Variants in BMPER observed in about 807,000 individuals in gnomAD.
The protein encoded by BMPER is BMP binding endothelial regulator.
BMPER carries 45 observed loss-of-function variants against 87.3 expected under a neutral mutation model. The ratio of observed to expected loss-of-function variants is 0.52; its 90% CI spans 0.41 to 0.66. The LOEUF (loss-of-function observed/expected upper bound fraction) is 0.66, where lower values mean the gene tolerates loss of function less well. Ranked by LOEUF, BMPER falls within the 30% of genes least tolerant of loss-of-function variation. BMPER has a pLI of 0.00. For synonymous variants in BMPER, 326 were observed against 316.2 expected (o/e 1.03, Z -0.33); for missense variants, 784 against 867.5 (o/e 0.90, Z 1.21).
At chr7:34,049,164 G>A (rs1788074129) in intron 7 of BMPER, among the ~76,000 whole-genome samples, 1 of 152,064 alleles carries the variant, frequency 6.6e-6, no homozygotes, top group African/African-American at 2.4e-5. Context: ...TCTCAGCACA[G>A]GTCAGTGTAC....
chr7:34,076,423 G>C (rs1788866938), intron 11 of BMPER, among the ~76,000 whole-genome samples: 2 of 152,086 alleles, frequency 1.3e-5, no homozygotes, highest in Non-Finnish European at 2.9e-5. Flanking sequence ...TGTATGTTTT[G>C]GCGGGGGTTG....
rs546488840 is a variant in BMPER at position 33,911,451 on chromosome 7, G to A, written c.219+4548G>A. ...AAAACTTCTACAGATACCTTCAAGA[G>A]CTTCAGAGAGTCCTTTCAACCTGCA... On this transcript the variant is annotated intron_variant, in intron 2 of 14. Transcript: ENST00000649409. Among the ~76,000 whole-genome samples the A allele has an allele frequency of 1.6e-4, 25 of 152,320 alleles. No homozygotes were observed. In the South Asian group the frequency reaches 4.3e-3, roughly 27 times the overall value.
intron 6 of BMPER, among the ~76,000 whole-genome samples, chr7:34,004,381 T>C (rs1786669316): frequency 2.0e-5 from 3 of 152,152 alleles, no homozygotes; most frequent in African/African-American, 7.2e-5. Flanking sequence ...AAGTCCAACC[T>C]CAGGGCTTTC....
intron 13 of BMPER, among the ~76,000 whole-genome samples, chr7:34,095,231 G>A (rs558810381): frequency 3.5e-4 from 54 of 152,294 alleles, no homozygotes; most frequent in Non-Finnish European, 7.1e-4. Context: ...GGCTGAGAAG[G>A]AGCTCAGGTG....
At chr7:34,055,122 G>A (rs1193290203) in intron 8 of BMPER, 41 bp from the exon 9 acceptor site, 10 of 1,613,684 alleles carry the variant, frequency 6.2e-6, no homozygotes, top group South Asian at 2.2e-5. Context: ...TGGTAGAGGC[G>A]AAAATCATTT....
chr7:33,981,854 G>A (rs1264463147), intron 6 of BMPER, among the ~76,000 whole-genome samples: 1 of 152,210 alleles, frequency 6.6e-6, no homozygotes, highest in African/African-American at 2.4e-5. Context: ...GGTATGGAAT[G>A]TGAATGACTT....
At chr7:33,938,800 C>T (rs191385889) in intron 3 of BMPER, among the ~76,000 whole-genome samples, 23 of 152,118 alleles carry the variant, frequency 1.5e-4, no homozygotes, top group Admixed American at 7.9e-4. Flanking sequence ...CCAAAGTGGG[C>T]GGATTACTTT....
intron 6 of BMPER, among the ~76,000 whole-genome samples, chr7:34,033,626 T>C (rs749409663): frequency 2.0e-5 from 3 of 152,228 alleles, no homozygotes; most frequent in Non-Finnish European, 2.9e-5. Flanking sequence ...ATTCTGGACA[T>C]TTGCCCCAAG....
intron 2 of BMPER, among the ~76,000 whole-genome samples, chr7:33,933,829 A>G (rs1784537287): frequency 6.6e-6 from 1 of 152,172 alleles, no homozygotes; most frequent in African/African-American, 2.4e-5. Context: ...AGGCATTTAA[A>G]TGACAGGCCT....
intron 6 of BMPER, among the ~76,000 whole-genome samples, chr7:34,022,562 G>A (rs990457921): frequency 2.0e-5 from 3 of 151,838 alleles, no homozygotes; most frequent in African/African-American, 7.3e-5. Context: ...AGGCCCTACA[G>A]GACACATAAT....
chr7:33,968,733 C>T (rs1158078055), intron 4 of BMPER, among the ~76,000 whole-genome samples: 3 of 152,192 alleles, frequency 2.0e-5, no homozygotes, highest in Non-Finnish European at 4.4e-5. Flanking sequence ...ATGATCTGGC[C>T]TAGTTCCATT....
intron 14 of BMPER, among the ~76,000 whole-genome samples, chr7:34,147,111 C>T (rs990864106): frequency 1.2e-4 from 18 of 152,278 alleles, no homozygotes; most frequent in African/African-American, 3.8e-4. Flanking sequence ...TGTAGCATAA[C>T]GGATGGTTTG....
intron 6 of BMPER, among the ~76,000 whole-genome samples, chr7:34,002,860 C>A (rs1786619264): frequency 1.3e-5 from 2 of 151,358 alleles, no homozygotes; most frequent in African/African-American, 4.8e-5. Flanking sequence ...CATAGTATAT[C>A]TTTCTTCTAT....
At chr7:33,990,356 T>A (rs1405873231) in intron 6 of BMPER, among the ~76,000 whole-genome samples, 1 of 139,440 alleles carries the variant, frequency 7.2e-6, no homozygotes. Context: ...GATTCCTAGG[T>A]ATTTTATTCT....
intron 1 of BMPER, 60 bp from the exon 2 acceptor site, chr7:33,906,757 AT>A: frequency 6.8e-7 from 1 of 1,464,954 alleles, no homozygotes; most frequent in Non-Finnish European, 9.6e-7. Flanking sequence ...AAAATTTTAA[AT>A]GTTGAAATCA....
chr7:34,070,766 G>A (rs1205534501), intron 11 of BMPER, among the ~76,000 whole-genome samples: 2 of 150,036 alleles, frequency 1.3e-5, no homozygotes, highest in Admixed American at 6.6e-5. Flanking sequence ...CGTGCATGGT[G>A]AAAGAGGTTG....
chr7:34,010,716 A>G (rs1232613542), intron 6 of BMPER, among the ~76,000 whole-genome samples: 1 of 152,070 alleles, frequency 6.6e-6, no homozygotes. Flanking sequence ...ATGTAACTAC[A>G]TGCTATACTA....
chr7:34,152,359 A>G (rs192893208), intron 14 of BMPER, among the ~76,000 whole-genome samples: 6 of 152,162 alleles, frequency 3.9e-5, no homozygotes, highest in African/African-American at 1.4e-4. Flanking sequence ...GTGTCAGAAA[A>G]CTTCCAGAAT....
chr7:34,106,644 G>A (rs1446106502), intron 13 of BMPER, among the ~76,000 whole-genome samples: 4 of 152,288 alleles, frequency 2.6e-5, no homozygotes, highest in African/African-American at 4.8e-5. Context: ...AGTGCCACAC[G>A]CAGGTGCTGC....
Sources: gnomAD v4.1 joint callset for allele counts (sites outside exome capture counted in the v4.1 genomes callset) on GRCh38, gnomAD v4.1.1 for gene constraint, MANE v1.5 for transcripts, NCBI Gene and HGNC (gene_info 2026-07-23, HGNC 2026-07-21) for gene names.